Variants in PPP3CB observed in about 807,000 individuals in gnomAD.
PPP3CB encodes protein phosphatase 3 catalytic subunit beta.
A neutral mutation model predicts 66.4 loss-of-function variants in PPP3CB; 8 were observed. That is an observed-to-expected ratio of 0.12 (90% CI 0.07 to 0.22). The LOEUF (loss-of-function observed/expected upper bound fraction) is 0.22, where lower values mean the gene tolerates loss of function less well. PPP3CB is among the 10% of genes least tolerant of loss of function. PPP3CB has a pLI of 1.00. For synonymous variants in PPP3CB, 208 were observed against 221.2 expected (o/e 0.94, Z 0.53); for missense variants, 319 against 642.5 (o/e 0.50, Z 5.44).
chr10:73,443,087 C>T (rs1473499902), intron 12 of PPP3CB, among the ~76,000 whole-genome samples: 1 of 151,152 alleles, frequency 6.6e-6, no homozygotes, highest in Non-Finnish European at 1.5e-5. Context: ...ATGGTCTTAG[C>T]TACTTGGGTG....
At chr10:73,473,188 A>T (rs959326805) in intron 4 of PPP3CB, among the ~76,000 whole-genome samples, 10 of 152,172 alleles carry the variant, frequency 6.6e-5, no homozygotes, top group Non-Finnish European at 1.5e-5. Context: ...CCTTGAAGTT[A>T]TAAGAGTATG....
intron 9 of PPP3CB, among the ~76,000 whole-genome samples, chr10:73,465,271 G>A (rs2056600904): frequency 6.6e-6 from 1 of 152,144 alleles, no homozygotes; most frequent in Non-Finnish European, 1.5e-5. Flanking sequence ...AGGCTGGGGT[G>A]CAGTGGCTAT....
intron 9 of PPP3CB, among the ~76,000 whole-genome samples, chr10:73,457,404 C>T (rs557132654): frequency 2.0e-5 from 3 of 149,298 alleles, no homozygotes; most frequent in African/African-American, 7.4e-5. Flanking sequence ...CTCCAACATT[C>T]TAGCCTAGAT....
intron 1 of PPP3CB, among the ~76,000 whole-genome samples, chr10:73,493,169 G>A (rs1413284395): frequency 6.6e-6 from 1 of 151,780 alleles, no homozygotes; most frequent in Non-Finnish European, 1.5e-5. Flanking sequence ...CCAGCTACTC[G>A]GGAGGCTGAG....
rs536792098 is a variant in PPP3CB, at chr10:73,462,660, CTTAG to C, written c.1108+4889_1108+4892del. On this transcript the variant is annotated intron_variant, in intron 9 of 13. Coordinates refer to ENST00000360663, the MANE Select transcript of PPP3CB (RefSeq NM_021132.4). ...AGGGATTTGACTAGTAAGAAAATGACTTAGTTAGGCTGGGTACAGTGGCTCACAC... is the reference window on the plus strand; with the variant it reads ...AGGGATTTGACTAGTAAGAAAATGACTTAGGCTGGGTACAGTGGCTCACAC... Among the ~76,000 whole-genome samples, 400 of 151,854 alleles carry C rather than the reference CTTAG, an allele frequency of 2.6e-3. 2 individuals are homozygous for C. Among genetic ancestry groups the C allele is most frequent in the African/African-American group, 9.2e-3 (380 of 41,452 alleles).
chr10:73,474,112 G>A (rs1405831283), intron 4 of PPP3CB, among the ~76,000 whole-genome samples: 4 of 151,726 alleles, frequency 2.6e-5, no homozygotes, highest in Admixed American at 1.3e-4. Flanking sequence ...GCGCGATCTC[G>A]GCTCACTGCA....
At chr10:73,462,139 TC>T (rs2056532243) in intron 9 of PPP3CB, among the ~76,000 whole-genome samples, 3 of 141,402 alleles carry the variant, frequency 2.1e-5, no homozygotes, top group African/African-American at 5.3e-5. Context: ...TTAAACTCCT[TC>T]TTTTTTTTTT....
In PPP3CB at chr10:73,477,290, C is replaced by T. The variant is rs1589710278; in HGVS notation, c.411+1209G>A. The T allele has an allele frequency of 7.9e-6, 4 of 504,340 alleles. No individual in the cohort carries two copies. The East Asian group carries it at 2.2e-4, about 28-fold the overall frequency. The allele number at this position is 504,340 out of a possible 1,614,324, so 31.2% of individuals were successfully genotyped here. A position where few individuals can be genotyped will look rare whatever the true frequency, so the allele number is the denominator to read the frequency against. Reference sequence around the variant, plus strand: ...CACAATTCTACCTCTAGGAATTTGTCCTACAAAAATAATCAGGCAAGTATG... The same window carrying T: ...CACAATTCTACCTCTAGGAATTTGTTCTACAAAAATAATCAGGCAAGTATG... On this transcript the variant is annotated intron_variant, in intron 3 of 13. Coordinates refer to ENST00000360663, the MANE Select transcript of PPP3CB (RefSeq NM_021132.4).
chr10:73,443,592 C>T (rs998983118), intron 12 of PPP3CB, among the ~76,000 whole-genome samples: 2 of 152,152 alleles, frequency 1.3e-5, no homozygotes, highest in African/African-American at 4.8e-5. Context: ...GGCTTTTCCA[C>T]ATCATGTATT....
At chr10:73,477,382 C>T (rs901700494) in intron 3 of PPP3CB, among the ~76,000 whole-genome samples, 1 of 152,090 alleles carries the variant, frequency 6.6e-6, no homozygotes, top group African/African-American at 2.4e-5. Context: ...GGAACATCTT[C>T]AGTGTCTAAC....
In PPP3CB at chr10:73,471,097, G is replaced by A; in HGVS notation, c.782C>T (p.Thr261Ile). Residue 261 changes from threonine (T) to isoleucine (I), a missense_variant, in exon 6 of 14, where the codon ACA becomes ATA. Around this residue, in one of 5 missense-constraint regions of PPP3CB, gnomAD observed 120 missense variants for 331.2 expected, o/e 0.36. Transcript: ENST00000360663. ...ATAAAAATAAGAACATCCTCGAACT[G>A]TATTGTGACTAAAATGTTCCTGTGA... ...EKSQEHFSHN[T>I]VRGCSYFYNY... The A allele has an allele frequency of 3.1e-6, 5 of 1,610,910 alleles. No homozygotes were observed. Among genetic ancestry groups the A allele is most frequent in the Non-Finnish European group, 4.2e-6 (5 of 1,177,484 alleles).
chr10:73,490,838 ATTTT>A (rs1323581656), intron 1 of PPP3CB, among the ~76,000 whole-genome samples: 1 of 150,734 alleles, frequency 6.6e-6, no homozygotes, highest in African/African-American at 2.4e-5. Flanking sequence ...TTATTTATTT[ATTTT>A]TATTTATTTG....
At chr10:73,484,013 G>A (rs892721344) in intron 1 of PPP3CB, among the ~76,000 whole-genome samples, 2 of 151,230 alleles carry the variant, frequency 1.3e-5, no homozygotes, top group South Asian at 2.1e-4. Context: ...GTGTGGTGTC[G>A]CGCCTGTAGT....
intron 4 of PPP3CB, among the ~76,000 whole-genome samples, chr10:73,474,394 G>A (rs951634861): frequency 3.3e-5 from 5 of 151,748 alleles, no homozygotes; most frequent in African/African-American, 9.7e-5. Context: ...AAGTATGTTT[G>A]TAAAAGTTAA....
chr10:73,463,393 T>C (rs1396688096), intron 9 of PPP3CB, among the ~76,000 whole-genome samples: 1 of 152,236 alleles, frequency 6.6e-6, no homozygotes, highest in Non-Finnish European at 1.5e-5. Context: ...AAGTTCCAAC[T>C]TCTCTGTGTG....
intron 1 of PPP3CB, among the ~76,000 whole-genome samples, chr10:73,486,179 C>T (rs1359240188): frequency 6.6e-6 from 1 of 151,408 alleles, no homozygotes; most frequent in African/African-American, 2.4e-5. Context: ...CCCTTAACCT[C>T]GTGATCCGCC....
chr10:73,477,834 T>C (rs933272827), intron 3 of PPP3CB, among the ~76,000 whole-genome samples: 3 of 152,006 alleles, frequency 2.0e-5, no homozygotes, highest in African/African-American at 7.3e-5. Context: ...GAAGGATCCC[T>C]TAAGCTCAAG....
chr10:73,447,613 TG>T (rs1316470208), intron 10 of PPP3CB, among the ~76,000 whole-genome samples: 4 of 152,174 alleles, frequency 2.6e-5, no homozygotes, highest in Non-Finnish European at 5.9e-5. Context: ...GTAAGTCTTC[TG>T]GGAGAGAACA....
intron 1 of PPP3CB, among the ~76,000 whole-genome samples, chr10:73,490,447 G>A (rs1225553153): frequency 2.6e-5 from 4 of 152,154 alleles, no homozygotes; most frequent in African/African-American, 7.2e-5. Flanking sequence ...GCTATTTCAC[G>A]ACTGTGATGT....
Sources: gnomAD v4.1 joint callset for allele counts (sites outside exome capture counted in the v4.1 genomes callset) on GRCh38, gnomAD v4.1.1 for gene constraint, gnomAD v4.1.1 regional missense constraint, MANE v1.5 for transcripts, NCBI Gene and HGNC (gene_info 2026-07-23, HGNC 2026-07-21) for gene names.